Variants in CFAP61 observed in about 807,000 individuals in gnomAD.
CFAP61 encodes cilia and flagella associated protein 61.
In CFAP61, 107 loss-of-function variants were observed where a neutral mutation model predicts 135.6. That is an observed-to-expected ratio of 0.79 (90% CI 0.67 to 0.93). The LOEUF is 0.93. Among genes scored for constraint, CFAP61 ranks in the 40% least tolerant of loss-of-function variants. CFAP61 has a pLI of 0.00. For missense variants in CFAP61, 1,507 were observed against 1,556.2 expected (o/e 0.97, Z 0.53); for synonymous variants, 575 against 578.5 (o/e 0.99, Z 0.09).
At chr20:20,300,858 C>T (rs932476396) in intron 25 of CFAP61, among the ~76,000 whole-genome samples, 2 of 151,880 alleles carry the variant, frequency 1.3e-5, no homozygotes, top group Admixed American at 6.6e-5. Context: ...CACCCGCCTC[C>T]GCCTCCCAAA....
At chr20:20,157,701 C>A (rs2053050198) in intron 9 of CFAP61, among the ~76,000 whole-genome samples, 1 of 152,006 alleles carries the variant, frequency 6.6e-6, no homozygotes, top group Non-Finnish European at 1.5e-5. Context: ...TGTTTGTGAC[C>A]TTGGGTTAGG....
At chr20:20,348,425 C>T (rs907134892) in intron 26 of CFAP61, among the ~76,000 whole-genome samples, 9 of 152,000 alleles carry the variant, frequency 5.9e-5, no homozygotes, top group Non-Finnish European at 8.8e-5. Flanking sequence ...CAGTGGGTCA[C>T]GCCTATAATC....
chr20:20,187,824 C>A, intron 13 of CFAP61, 106 bp from the exon 14 acceptor site: 1 of 831,080 alleles, frequency 1.2e-6, no homozygotes, highest in Non-Finnish European at 1.9e-6. Context: ...ACATACTTTA[C>A]TGGATATTAT....
In CFAP61 at chr20:20,162,690, A is replaced by G. The variant is rs77937047; in HGVS notation, c.1027-1360A>G. 2.0e-5 allele frequency among the ~76,000 whole-genome samples: 3 copies of G among 152,220 alleles called. No individual in the cohort carries two copies. The East Asian group carries it at 5.8e-4, about 29-fold the overall frequency. On this transcript the variant is annotated intron_variant, in intron 10 of 26. Coordinates refer to ENST00000245957, the MANE Select transcript of CFAP61 (RefSeq NM_015585.4). The stretch of plus-strand genomic sequence containing the variant: ...TGCAAGTCCAGATTAGAGGGGAGAA[A>G]AAAGGAAGCTCATATATTATCTCAA...
chr20:20,180,889 G>C (rs2055015404), intron 13 of CFAP61, among the ~76,000 whole-genome samples: 2 of 152,120 alleles, frequency 1.3e-5, no homozygotes, highest in Non-Finnish European at 2.9e-5. Flanking sequence ...ATTATCCTTA[G>C]CATACTAATG....
At chr20:20,227,879 T>C (rs550637019) in intron 17 of CFAP61, among the ~76,000 whole-genome samples, 1 of 152,320 alleles carries the variant, frequency 6.6e-6, no homozygotes, top group East Asian at 1.9e-4. Flanking sequence ...AGAAAAGACT[T>C]GGGACCTTTC....
intron 9 of CFAP61, among the ~76,000 whole-genome samples, chr20:20,153,455 A>G (rs964214658): frequency 2.0e-5 from 3 of 152,150 alleles, no homozygotes; most frequent in African/African-American, 7.2e-5. Flanking sequence ...GATAAACAAA[A>G]TTGATAGACC....
chr20:20,180,356 G>A (rs1441003308), intron 13 of CFAP61, among the ~76,000 whole-genome samples: 1 of 150,532 alleles, frequency 6.6e-6, no homozygotes, highest in Non-Finnish European at 1.5e-5. Context: ...ACTGGGCACA[G>A]AACGTGAATA....
intron 13 of CFAP61, among the ~76,000 whole-genome samples, chr20:20,182,414 G>A (rs952650412): frequency 6.6e-6 from 1 of 152,100 alleles, no homozygotes; most frequent in African/African-American, 2.4e-5. Context: ...CAATTGGTCC[G>A]CTTCTAACCT....
intron 26 of CFAP61, among the ~76,000 whole-genome samples, chr20:20,347,579 G>A (rs546525936): frequency 2.6e-5 from 4 of 152,268 alleles, no homozygotes; most frequent in South Asian, 4.1e-4. Context: ...ATGAGAAAAT[G>A]CCATGAATAA....
At chr20:20,071,523 C>T (rs1211908459) in intron 3 of CFAP61, among the ~76,000 whole-genome samples, 1 of 152,146 alleles carries the variant, frequency 6.6e-6, no homozygotes, top group African/African-American at 2.4e-5. Flanking sequence ...AGGAGTCTGG[C>T]CTGGGTACCT....
intron 9 of CFAP61, among the ~76,000 whole-genome samples, chr20:20,150,398 T>G (rs2052304082): frequency 6.6e-6 from 1 of 152,178 alleles, no homozygotes; most frequent in African/African-American, 2.4e-5. Flanking sequence ...CTTCTACTAT[T>G]GCAGCTGGTG....
In CFAP61 at chr20:20,219,628, C is replaced by A. The variant is rs143869295; in HGVS notation, c.1933-8621C>A. Among the ~76,000 whole-genome samples the A allele has an allele frequency of 1.0e-3, 157 of 152,250 alleles. 3 individuals are homozygous for A. In the East Asian group the frequency reaches 0.02, roughly 19 times the overall value. On this transcript the variant is annotated intron_variant, in intron 17 of 26. Coordinates refer to ENST00000245957, the MANE Select transcript of CFAP61 (RefSeq NM_015585.4). ...GCCCCATACATTCTCCAAAAACCTTCCCCTTACTGTTTTTAGGATGGGAAA... is the reference window on the plus strand; with the variant it reads ...GCCCCATACATTCTCCAAAAACCTTACCCTTACTGTTTTTAGGATGGGAAA...
intron 17 of CFAP61, among the ~76,000 whole-genome samples, chr20:20,208,029 G>A (rs2056933714): frequency 6.6e-6 from 1 of 152,212 alleles, no homozygotes; most frequent in Non-Finnish European, 1.5e-5. Context: ...TGCTCAGTGA[G>A]TCCTTTCCTC....
chr20:20,287,589 G>A (rs562317930), intron 22 of CFAP61, among the ~76,000 whole-genome samples: 6 of 152,330 alleles, frequency 3.9e-5, no homozygotes, highest in African/African-American at 1.4e-4. Context: ...GAAGGGGCTG[G>A]CTACCTCTTG....
chr20:20,112,199 C>T (rs2328492), intron 8 of CFAP61, among the ~76,000 whole-genome samples: 14,888 of 151,928 alleles, frequency 0.098, 1,509 homozygotes, highest in East Asian at 0.59. Context: ...CATAGAACTT[C>T]TAAAATAAAA....
At chr20:20,171,510 G>A (rs1569058468) in intron 13 of CFAP61, among the ~76,000 whole-genome samples, 1 of 152,172 alleles carries the variant, frequency 6.6e-6, no homozygotes, top group African/African-American at 2.4e-5. Context: ...GGAGCTAGCA[G>A]GTCTCATAGT....
At chr20:20,122,556 A>G (rs1568951284) in intron 8 of CFAP61, among the ~76,000 whole-genome samples, 1 of 152,242 alleles carries the variant, frequency 6.6e-6, no homozygotes. Context: ...CACTTAGAAT[A>G]ATAGTCTCTA....
chr20:20,207,604 G>A (rs1299838242), intron 17 of CFAP61, among the ~76,000 whole-genome samples: 1 of 152,228 alleles, frequency 6.6e-6, no homozygotes, highest in African/African-American at 2.4e-5. Flanking sequence ...CAGCTCCAAC[G>A]TGAGGCTTTG....
Sources: gnomAD v4.1 joint callset for allele counts (sites outside exome capture counted in the v4.1 genomes callset) on GRCh38, gnomAD v4.1.1 for gene constraint, MANE v1.5 for transcripts, NCBI Gene and HGNC (gene_info 2026-07-23, HGNC 2026-07-21) for gene names.